The following DLG2 variants were observed in gnomAD, a reference collection of about 807,000 sequenced individuals.
DLG2 encodes disks large homolog 2.
DLG2 carries 45 observed loss-of-function variants against 132.5 expected under a neutral mutation model. The observed-to-expected ratio is 0.34, with a 90% CI of 0.27 to 0.44. DLG2 has a LOEUF of 0.44. Among genes scored for constraint, DLG2 ranks in the 20% least tolerant of loss-of-function variants. The pLI is 1.00. For missense variants in DLG2, 1,045 were observed against 1,196.9 expected (o/e 0.87, Z 1.87); for synonymous variants, 424 against 419.6 (o/e 1.01, Z -0.13).
intron 18 of DLG2, among the ~76,000 whole-genome samples, chr11:83,726,847 G>A (rs1284485822): frequency 6.6e-6 from 1 of 152,154 alleles, no homozygotes; most frequent in East Asian, 1.9e-4. Flanking sequence ...CTGATAGCAT[G>A]CCCCTTTTGG....
chr11:85,539,861 C>G (rs2075846145), intron 3 of DLG2, among the ~76,000 whole-genome samples: 1 of 152,112 alleles, frequency 6.6e-6, no homozygotes, highest in African/African-American at 2.4e-5. Flanking sequence ...GTCAAGGCAC[C>G]TAAAATAGAG....
intron 6 of DLG2, among the ~76,000 whole-genome samples, chr11:84,691,812 T>A (rs570989801): frequency 2.6e-5 from 4 of 151,902 alleles, no homozygotes; most frequent in South Asian, 2.1e-4. Context: ...TTACCATTTT[T>A]AAAAATGCAA....
chr11:85,534,741 G>T (rs764812879), intron 3 of DLG2, among the ~76,000 whole-genome samples: 36 of 152,140 alleles, frequency 2.4e-4, no homozygotes, highest in Non-Finnish European at 4.4e-4. Flanking sequence ...TTCCATCGTT[G>T]ATGAGCATCT....
At chr11:84,644,779 T>C (rs1172484939) in intron 6 of DLG2, among the ~76,000 whole-genome samples, 1 of 148,904 alleles carries the variant, frequency 6.7e-6, no homozygotes. Context: ...AAATGGGGAG[T>C]GTGGGAAACT....
chr11:84,053,526 G>T (rs1173419088), intron 11 of DLG2, among the ~76,000 whole-genome samples: 1 of 151,796 alleles, frequency 6.6e-6, no homozygotes, highest in African/African-American at 2.4e-5. Context: ...GTATTAATGA[G>T]TTCTTTGCTA....
intron 4 of DLG2, among the ~76,000 whole-genome samples, chr11:85,217,318 TCA>T (rs56718906): frequency 1.6e-4 from 23 of 144,030 alleles, no homozygotes; most frequent in African/African-American, 4.1e-4. Context: ...TCTCTCTCTC[TCA>T]CACACACACA....
intron 18 of DLG2, among the ~76,000 whole-genome samples, chr11:83,754,502 C>A (rs1040664189): frequency 1.3e-5 from 2 of 151,320 alleles, no homozygotes; most frequent in African/African-American, 4.9e-5. Flanking sequence ...GAGTAAATTG[C>A]AAAAGTAACA....
chr11:85,097,991 C>G (rs1289628203), intron 6 of DLG2, among the ~76,000 whole-genome samples: 1 of 152,142 alleles, frequency 6.6e-6, no homozygotes, highest in Non-Finnish European at 1.5e-5. Flanking sequence ...GAAAGCCATT[C>G]TTTAAAAATA....
chr11:83,941,220 T>C (rs1057463349), intron 14 of DLG2, among the ~76,000 whole-genome samples: 2 of 152,210 alleles, frequency 1.3e-5, no homozygotes, highest in African/African-American at 4.8e-5. Context: ...CAAATTTAAC[T>C]GGGCATCCTT....
chr11:85,549,521 T>C (rs2076539736), intron 3 of DLG2, among the ~76,000 whole-genome samples: 1 of 152,194 alleles, frequency 6.6e-6, no homozygotes, highest in Non-Finnish European at 1.5e-5. Context: ...AAAAAAAGCA[T>C]TTCCATTCAA....
At chr11:85,257,104 T>C (rs17743080) in intron 4 of DLG2, among the ~76,000 whole-genome samples, 7,723 of 152,312 alleles carry the variant, frequency 0.051, 281 homozygotes, top group Admixed American at 0.073. Flanking sequence ...TAAAGATTGA[T>C]GCATGCTGTA....
chr11:84,749,199 C>T (rs919568430), intron 6 of DLG2, among the ~76,000 whole-genome samples: 5 of 152,258 alleles, frequency 3.3e-5, no homozygotes, highest in African/African-American at 4.8e-5. Flanking sequence ...TTCAAACTGT[C>T]TCACTCACCT....
chr11:85,434,188 T>C (rs561815565), intron 3 of DLG2, among the ~76,000 whole-genome samples: 1 of 152,174 alleles, frequency 6.6e-6, no homozygotes, highest in South Asian at 2.1e-4. Flanking sequence ...AAGAGGGAAA[T>C]TTATAGCCCT....
intron 8 of DLG2, among the ~76,000 whole-genome samples, chr11:84,166,313 C>T (rs796494263): frequency 5.9e-5 from 9 of 151,984 alleles, no homozygotes; most frequent in African/African-American, 2.2e-4. Flanking sequence ...AACATCCTGG[C>T]CAACATGGTG....
intron 6 of DLG2, among the ~76,000 whole-genome samples, chr11:84,580,127 T>G (rs1447826449): frequency 2.0e-5 from 3 of 152,192 alleles, no homozygotes; most frequent in Non-Finnish European, 4.4e-5. Flanking sequence ...GGAAATAGTA[T>G]GAGCACTTTC....
intron 5 of DLG2, among the ~76,000 whole-genome samples, chr11:85,154,135 GAAAAAAAAAAA>G (rs34094958): frequency 1.7e-4 from 10 of 57,674 alleles, no homozygotes; most frequent in South Asian, 7.7e-4. Context: ...TTCTTTTGGA[GAAAAAAAAAAA>G]AAAAAAAAAA....
chr11:85,546,250 C>G (rs1257197461), intron 3 of DLG2, among the ~76,000 whole-genome samples: 1 of 152,032 alleles, frequency 6.6e-6, no homozygotes, highest in Non-Finnish European at 1.5e-5. Flanking sequence ...TGTTATTTAC[C>G]CAGCAGTCAT....
At chr11:85,102,475 G>A (rs1265345793) in intron 6 of DLG2, among the ~76,000 whole-genome samples, 1 of 151,920 alleles carries the variant, frequency 6.6e-6, no homozygotes, top group Non-Finnish European at 1.5e-5. Flanking sequence ...ATGCTCTCAG[G>A]AATCCTAGAA....
intron 6 of DLG2, among the ~76,000 whole-genome samples, chr11:84,821,037 G>A (rs1263484734): frequency 6.6e-6 from 1 of 151,748 alleles, no homozygotes; most frequent in Non-Finnish European, 1.5e-5. Context: ...ATGAATGAAT[G>A]AACAAATAAA....
Sources: allele counts gnomAD v4.1 joint callset (sites outside exome capture counted in the v4.1 genomes callset), GRCh38; gene constraint gnomAD v4.1.1; transcripts MANE v1.5; gene names NCBI Gene and HGNC (gene_info 2026-07-23, HGNC 2026-07-21).